The following LUZP2 variants were observed in gnomAD, a reference collection of about 807,000 sequenced individuals.
LUZP2 encodes leucine zipper protein 2.
In LUZP2, 52 loss-of-function variants were observed where a neutral mutation model predicts 51.6. The observed-to-expected ratio is 1.01, with a 90% confidence interval of 0.81 to 1.27. LUZP2 has a LOEUF of 1.27. Among genes scored for constraint, LUZP2 ranks in the 50% most tolerant of loss-of-function variants. The probability of loss-of-function intolerance (pLI) is 0.00; values close to 1 mark genes in which losing one functional copy is unlikely to be tolerated. For missense variants in LUZP2, 436 were observed against 395.4 expected (o/e 1.10, Z -0.87); for synonymous variants, 154 against 137.3 (o/e 1.12, Z -0.85).
At chr11:24,915,357 C>T (rs1853757664) in intron 7 of LUZP2, among the ~76,000 whole-genome samples, 1 of 152,042 alleles carries the variant, frequency 6.6e-6, no homozygotes, top group Non-Finnish European at 1.5e-5. Context: ...AACCTTGGTT[C>T]CTCATATAAT....
chr11:24,665,020 T>C (rs1282730278), intron 1 of LUZP2, among the ~76,000 whole-genome samples: 1 of 152,146 alleles, frequency 6.6e-6, no homozygotes, highest in African/African-American at 2.4e-5. Flanking sequence ...TTGCACCATG[T>C]ACCTGGAAAA....
intron 7 of LUZP2, 34 bp from the exon 8 acceptor site, chr11:24,976,557 A>C: frequency 6.7e-7 from 1 of 1,489,844 alleles, no homozygotes; most frequent in Non-Finnish European, 9.1e-7. Context: ...GAAATTGCAG[A>C]ATTTATCTAG....
chr11:24,669,951 T>C (rs558207121), intron 1 of LUZP2, among the ~76,000 whole-genome samples: 14 of 152,168 alleles, frequency 9.2e-5, no homozygotes, highest in African/African-American at 2.6e-4. Context: ...ACTCTAGGCA[T>C]CTAGAGATGA....
intron 1 of LUZP2, among the ~76,000 whole-genome samples, chr11:24,575,779 C>T (rs1031008211): frequency 2.5e-4 from 38 of 152,056 alleles, no homozygotes; most frequent in African/African-American, 8.9e-4. Context: ...CTTCTAATCA[C>T]GATACAACAA....
chr11:25,008,123 G>A (rs1382822703), intron 9 of LUZP2, among the ~76,000 whole-genome samples: 2 of 152,176 alleles, frequency 1.3e-5, no homozygotes, highest in Admixed American at 6.5e-5. Context: ...TCAGTTCTGG[G>A]TTGACTACTG....
intron 5 of LUZP2, among the ~76,000 whole-genome samples, chr11:24,813,964 C>A (rs77722829): frequency 0.035 from 5,274 of 152,300 alleles, 283 homozygotes; most frequent in African/African-American, 0.11. Context: ...ATAACAACAC[C>A]TTCAGTGGCT....
At chr11:24,921,399 G>A (rs535356096) in intron 7 of LUZP2, among the ~76,000 whole-genome samples, 9 of 152,110 alleles carry the variant, frequency 5.9e-5, no homozygotes, top group Non-Finnish European at 1.0e-4. Context: ...AATGAGGGTC[G>A]CCATGATGTT....
At chr11:25,009,768 G>A (rs915770339) in intron 9 of LUZP2, among the ~76,000 whole-genome samples, 10 of 152,118 alleles carry the variant, frequency 6.6e-5, no homozygotes, top group African/African-American at 2.4e-4. Context: ...AAAAGAAAAT[G>A]AATGTTTTAT....
At chr11:24,926,293 G>GTA (rs542672344) in intron 7 of LUZP2, among the ~76,000 whole-genome samples, 27 of 129,282 alleles carry the variant, frequency 2.1e-4, no homozygotes, top group African/African-American at 7.8e-4. Flanking sequence ...ATATACGTGT[G>GTA]TATATATATA....
intron 5 of LUZP2, among the ~76,000 whole-genome samples, chr11:24,835,930 C>T (rs967841369): frequency 3.3e-5 from 5 of 151,818 alleles, no homozygotes; most frequent in Admixed American, 1.3e-4. Context: ...AGAAACTACT[C>T]GTAAAAAATT....
chr11:24,677,854 G>C (rs1031660063), intron 1 of LUZP2, among the ~76,000 whole-genome samples: 5 of 151,988 alleles, frequency 3.3e-5, no homozygotes, highest in African/African-American at 1.2e-4. Flanking sequence ...TCGATACCAT[G>C]ATGAAACCCC....
chr11:24,857,086 C>T (rs1030420284), intron 5 of LUZP2, among the ~76,000 whole-genome samples: 6 of 151,744 alleles, frequency 4.0e-5, no homozygotes, highest in South Asian at 2.1e-4. Flanking sequence ...TATGTTTATA[C>T]GAATAATTAA....
chr11:24,576,382 C>T (rs1349976348), intron 1 of LUZP2, among the ~76,000 whole-genome samples: 1 of 142,188 alleles, frequency 7.0e-6, no homozygotes, highest in African/African-American at 2.7e-5. Context: ...CATTGCACTC[C>T]AGCCTGGGCA....
At chr11:24,958,088 T>A (rs1483080627) in intron 7 of LUZP2, among the ~76,000 whole-genome samples, 2 of 148,264 alleles carry the variant, frequency 1.3e-5, no homozygotes, top group African/African-American at 5.2e-5. Context: ...AACTCATCAT[T>A]TTTTTATGGC....
chr11:24,696,649 G>GA (rs1323930639), intron 1 of LUZP2, among the ~76,000 whole-genome samples: 1 of 151,230 alleles, frequency 6.6e-6, no homozygotes, highest in Non-Finnish European at 1.5e-5. Context: ...ATGACAAAAA[G>GA]AAAAAAAGGT....
chr11:24,869,682 G>A (rs1851999968), intron 5 of LUZP2, among the ~76,000 whole-genome samples: 1 of 152,098 alleles, frequency 6.6e-6, no homozygotes, highest in Non-Finnish European at 1.5e-5. Flanking sequence ...GGGGAGCCAT[G>A]AATTGTACAC....
rs182561047 is a variant in LUZP2 at position 24,727,757 on chromosome 11, C to A, written c.63-1412C>A. Among the ~76,000 whole-genome samples the A allele has an allele frequency of 4.6e-5, 7 of 151,916 alleles. No individual in the cohort carries two copies. The East Asian group carries it at 1.2e-3, about 25-fold the overall frequency. On this transcript the variant is annotated intron_variant, in intron 1 of 11. Coordinates refer to ENST00000336930, the MANE Select transcript of LUZP2 (RefSeq NM_001009909.4). The stretch of plus-strand genomic sequence containing the variant: ...TCATCAGTGAAATTCACAAGGCCAG[C>A]GAGAATATTGTGGTTCTTAGCAATG...
chr11:25,062,661 T>C (rs1265429196), intron 10 of LUZP2, among the ~76,000 whole-genome samples: 1 of 149,598 alleles, frequency 6.7e-6, no homozygotes, highest in South Asian at 2.1e-4. Context: ...AATAAAGTTG[T>C]GTGTCTTTCC....
chr11:24,622,289 C>A (rs2133908619), intron 1 of LUZP2, among the ~76,000 whole-genome samples: 1 of 152,036 alleles, frequency 6.6e-6, no homozygotes, highest in Admixed American at 6.6e-5. Context: ...TCCCCCCTCC[C>A]CACAACAGGC....
Sources: gnomAD v4.1 joint callset for allele counts (sites outside exome capture counted in the v4.1 genomes callset) on GRCh38, gnomAD v4.1.1 for gene constraint, MANE v1.5 for transcripts, NCBI Gene and HGNC (gene_info 2026-07-23, HGNC 2026-07-21) for gene names.